The following FAM210A variants were observed in gnomAD, a reference collection of about 807,000 sequenced individuals.
FAM210A encodes family with sequence similarity 210 member A.
Under a neutral mutation model 25.3 loss-of-function variants are expected in FAM210A, and 13 were observed. The observed-to-expected ratio is 0.51, with a 90% CI of 0.33 to 0.82. The LOEUF (loss-of-function observed/expected upper bound fraction) is 0.82, where lower values mean the gene tolerates loss of function less well. FAM210A is among the 40% of genes least tolerant of loss of function. The pLI is 0.02. For synonymous variants in FAM210A, 125 were observed against 118.7 expected (o/e 1.05, Z -0.35); for missense variants, 319 against 323.2 (o/e 0.99, Z 0.10).
At chr18:13,696,665 G>GC (rs2043696802) in intron 1 of FAM210A, among the ~76,000 whole-genome samples, 1 of 152,114 alleles carries the variant, frequency 6.6e-6, no homozygotes, top group Admixed American at 6.6e-5. Flanking sequence ...CCCTGGGTAG[G>GC]CCCAGGCTAA....
In FAM210A at chr18:13,664,471, T is replaced by TA. The variant is rs1216893322; in HGVS notation, c.*2008dup. ...GAAACAAGGAACATGTTTAATATCT[T>TA]AAAAAACAGCACTTAAACCTGCAAA... On this transcript the variant is annotated 3_prime_UTR_variant, in exon 4 of 4. Coordinates refer to ENST00000651643, the MANE Select transcript of FAM210A (RefSeq NM_152352.4). 1 of 152,188 alleles carries TA rather than the reference T, an allele frequency of 6.6e-6. No individual in the cohort carries two copies. The highest frequency in any genetic ancestry group is 1.5e-5 in the Non-Finnish European group (1 of 68,040). The allele number at this position is 152,188 out of a possible 1,614,324, so 9.4% of individuals were successfully genotyped here.
rs1468012558 is a variant in FAM210A at position 13,665,392 on chromosome 18, A to T, written c.*1088T>A. 2.0e-5 allele frequency: 3 copies of T among 150,580 alleles called. No individual in the cohort carries two copies. Among genetic ancestry groups the T allele is most frequent in the African/African-American group, 7.3e-5 (3 of 41,100 alleles). 9.3% of individuals were successfully genotyped at this position (150,580 alleles called of 1,614,324 possible). ...GGGAGGCTCCGTCTCAAAAAAAAAA[A>T]AAAAAAAAAAAAAAATCAAGTAGAA... On this transcript the variant is annotated 3_prime_UTR_variant, in exon 4 of 4. Transcript: ENST00000651643.
intron 1 of FAM210A, among the ~76,000 whole-genome samples, chr18:13,684,508 A>G (rs1192109094): frequency 6.6e-6 from 1 of 152,206 alleles, no homozygotes; most frequent in Non-Finnish European, 1.5e-5. Context: ...ACAAGAATGA[A>G]AAGAAGACAT....
At chr18:13,718,511 T>C (rs1347419943) in intron 1 of FAM210A, among the ~76,000 whole-genome samples, 4 of 151,732 alleles carry the variant, frequency 2.6e-5, no homozygotes, top group African/African-American at 9.7e-5. Context: ...CCTGATCACA[T>C]AGCTGATTAA....
intron 1 of FAM210A, among the ~76,000 whole-genome samples, chr18:13,722,831 T>TC (rs2043907552): frequency 6.9e-6 from 1 of 145,534 alleles, no homozygotes; most frequent in African/African-American, 2.5e-5. Context: ...AGCCTTAAGC[T>TC]CCCCTTTTCT....
intron 1 of FAM210A, among the ~76,000 whole-genome samples, chr18:13,698,369 A>AAT (rs1359407187): frequency 2.6e-5 from 4 of 151,428 alleles, no homozygotes; most frequent in East Asian, 1.9e-4. Context: ...AAAAAAAAAA[A>AAT]AAATAAGAAT....
intron 1 of FAM210A, among the ~76,000 whole-genome samples, chr18:13,688,064 G>A (rs1018109770): frequency 6.6e-6 from 1 of 152,086 alleles, no homozygotes; most frequent in Non-Finnish European, 1.5e-5. Context: ...TGATAATGTC[G>A]ATTACTAGCT....
At chr18:13,688,129 G>A (rs772401809) in intron 1 of FAM210A, among the ~76,000 whole-genome samples, 1 of 152,170 alleles carries the variant, frequency 6.6e-6, no homozygotes, top group Non-Finnish European at 1.5e-5. Context: ...CTGATACAAT[G>A]ATAGGGACAG....
At chr18:13,703,604 A>G (rs1310122949) in intron 1 of FAM210A, among the ~76,000 whole-genome samples, 2 of 152,236 alleles carry the variant, frequency 1.3e-5, no homozygotes, top group Non-Finnish European at 2.9e-5. Flanking sequence ...TCCACCCTAA[A>G]GCCAGTAATC....
intron 1 of FAM210A, among the ~76,000 whole-genome samples, chr18:13,703,395 G>A (rs1170629652): frequency 6.6e-6 from 1 of 152,176 alleles, no homozygotes; most frequent in Non-Finnish European, 1.5e-5. Context: ...AATTACAAAT[G>A]GGCTGATTGG....
intron 1 of FAM210A, among the ~76,000 whole-genome samples, chr18:13,717,608 G>A (rs182424481): frequency 6.6e-6 from 1 of 152,238 alleles, no homozygotes; most frequent in East Asian, 1.9e-4. Context: ...TCAAAAGTCT[G>A]CCAAAAAAAT....
At chr18:13,674,996 T>G (rs59206462) in intron 2 of FAM210A, among the ~76,000 whole-genome samples, 2 of 127,006 alleles carry the variant, frequency 1.6e-5, no homozygotes, top group African/African-American at 2.8e-5. Flanking sequence ...CTTTATTTCC[T>G]GTTTCCTGAT....
In FAM210A at chr18:13,673,646, CTTCT is replaced by C. The variant is rs776701437; in HGVS notation, c.474-1677_474-1674del. Among the ~76,000 whole-genome samples, 1,036 of 144,868 alleles carry C rather than the reference CTTCT, an allele frequency of 7.2e-3. 20 individuals carry two copies. Among genetic ancestry groups the C allele is most frequent in the African/African-American group, 0.025 (972 of 38,926 alleles). On this transcript the variant is annotated intron_variant, in intron 2 of 3. Coordinates refer to ENST00000651643, the MANE Select transcript of FAM210A (RefSeq NM_152352.4). ...GATTATTAACATTCCTGAGACCCGA[CTTCT>C]TTATTTCCAGTTTCCTGATTATTAA...
chr18:13,686,840 T>C (rs1239190924), intron 1 of FAM210A, among the ~76,000 whole-genome samples: 1 of 152,126 alleles, frequency 6.6e-6, no homozygotes, highest in East Asian at 1.9e-4. Context: ...ATTAGTGAAT[T>C]CTACCAAACA....
At chr18:13,708,074 G>A (rs1041384819) in intron 1 of FAM210A, among the ~76,000 whole-genome samples, 2 of 152,160 alleles carry the variant, frequency 1.3e-5, no homozygotes, top group Non-Finnish European at 2.9e-5. Flanking sequence ...TCATTTTGCT[G>A]CCCTACAGTT....
intron 1 of FAM210A, among the ~76,000 whole-genome samples, chr18:13,685,422 G>T (rs1049780875): frequency 6.6e-6 from 1 of 151,920 alleles, no homozygotes; most frequent in Admixed American, 6.6e-5. Context: ...TTAAAGGTCC[G>T]AATAGGAAAC....
chr18:13,668,490 T>C (rs2043418108), intron 3 of FAM210A, among the ~76,000 whole-genome samples: 2 of 152,220 alleles, frequency 1.3e-5, no homozygotes, highest in African/African-American at 4.8e-5. Context: ...AACTTTAATC[T>C]CCAGACTGAA....
chr18:13,713,111 A>G (rs2043834389), intron 1 of FAM210A, among the ~76,000 whole-genome samples: 1 of 152,234 alleles, frequency 6.6e-6, no homozygotes, highest in South Asian at 2.1e-4. Context: ...TGAACTATAC[A>G]TCTATAAGAA....
At chr18:13,717,085 G>C (rs2043866966) in intron 1 of FAM210A, among the ~76,000 whole-genome samples, 1 of 152,172 alleles carries the variant, frequency 6.6e-6, no homozygotes. Flanking sequence ...GCTGAAAGCA[G>C]CTTACTGATG....
Sources: allele counts gnomAD v4.1 joint callset (sites outside exome capture counted in the v4.1 genomes callset), GRCh38; gene constraint gnomAD v4.1.1; transcripts MANE v1.5; gene names NCBI Gene and HGNC (gene_info 2026-07-23, HGNC 2026-07-21).